AVEN: variants seen among roughly 807,000 people sequenced by gnomAD.
AVEN encodes the protein apoptosis and caspase activation inhibitor.
AVEN carries 41 observed loss-of-function variants against 38.1 expected under a neutral mutation model. That is an observed-to-expected ratio of 1.08 (90% CI 0.84 to 1.40). The LOEUF (loss-of-function observed/expected upper bound fraction) is 1.40. Among genes scored for constraint, AVEN ranks in the 40% most tolerant of loss-of-function variants. The pLI, the probability that AVEN is intolerant of heterozygous loss-of-function variation, is 0.00. For missense variants in AVEN, 605 were observed against 438.8 expected (o/e 1.38, Z -3.38); for synonymous variants, 206 against 171.8 (o/e 1.20, Z -1.56).
chr15:33,971,456 A>T (rs929079683), intron 2 of AVEN, among the ~76,000 whole-genome samples: 1 of 152,008 alleles, frequency 6.6e-6, no homozygotes, highest in African/African-American at 2.4e-5. Flanking sequence ...TTTTTATTTA[A>T]ACTATGATAA....
chr15:33,978,679 T>TAAATAA (rs1039420070), intron 2 of AVEN, among the ~76,000 whole-genome samples: 2 of 151,450 alleles, frequency 1.3e-5, no homozygotes, highest in African/African-American at 2.4e-5. Context: ...AATAAATAAA[T>TAAATAA]AAATAAAAAT....
At chr15:33,868,201 T>C (rs2153033698) in intron 4 of AVEN, among the ~76,000 whole-genome samples, 1 of 152,282 alleles carries the variant, frequency 6.6e-6, no homozygotes, top group African/African-American at 2.4e-5. Flanking sequence ...CACTTAAATC[T>C]GTATTAAGAC....
chr15:33,981,144 A>T (rs13379557), intron 2 of AVEN, among the ~76,000 whole-genome samples: 17,795 of 152,212 alleles, frequency 0.12, 1,879 homozygotes, highest in African/African-American at 0.27. Context: ...GAGAGAAAAT[A>T]TCTGAATTAA....
At chr15:34,025,045 C>T (rs1228445751) in intron 1 of AVEN, among the ~76,000 whole-genome samples, 2 of 151,742 alleles carry the variant, frequency 1.3e-5, no homozygotes. Context: ...GTGGTAGGAG[C>T]CTGTAATCCA....
intron 5 of AVEN, among the ~76,000 whole-genome samples, chr15:34,061,126 G>A (rs750301105): frequency 4.6e-5 from 7 of 151,986 alleles, no homozygotes; most frequent in Non-Finnish European, 1.0e-4. Flanking sequence ...TCTCTAGAAG[G>A]AAAAATAAAT....
chr15:33,884,646 C>G (rs996882752), intron 2 of AVEN, among the ~76,000 whole-genome samples: 1 of 151,676 alleles, frequency 6.6e-6, no homozygotes, highest in Non-Finnish European at 1.5e-5. Flanking sequence ...ATACAGCTGC[C>G]AATTTTAAGC....
chr15:33,938,903 G>T (rs933580895), intron 2 of AVEN, among the ~76,000 whole-genome samples: 1 of 151,804 alleles, frequency 6.6e-6, no homozygotes, highest in Non-Finnish European at 1.5e-5. Flanking sequence ...ATGCAATGGC[G>T]CCATCTCGGC....
intron 2 of AVEN, among the ~76,000 whole-genome samples, chr15:33,958,306 A>G (rs989146820): frequency 3.3e-5 from 5 of 152,186 alleles, no homozygotes; most frequent in Admixed American, 1.3e-4. Flanking sequence ...CTCGCCATGC[A>G]CTGTGGCTCA....
intron 2 of AVEN, among the ~76,000 whole-genome samples, chr15:33,964,773 T>G (rs1895324040): frequency 6.6e-6 from 1 of 152,136 alleles, no homozygotes; most frequent in African/African-American, 2.4e-5. Flanking sequence ...AAGAACACAT[T>G]CCCTATATAT....
At chr15:33,939,971 C>A (rs539892755) in intron 2 of AVEN, among the ~76,000 whole-genome samples, 37 of 152,310 alleles carry the variant, frequency 2.4e-4, no homozygotes, top group Middle Eastern at 3.4e-3. Flanking sequence ...TATTTACATT[C>A]CTTCTACTAG....
chr15:33,912,190 T>C (rs529046022), intron 2 of AVEN, among the ~76,000 whole-genome samples: 5 of 152,214 alleles, frequency 3.3e-5, no homozygotes, highest in Non-Finnish European at 7.3e-5. Context: ...ATCTACTTCA[T>C]AGAACTGTTA....
downstream of AVEN, among the ~76,000 whole-genome samples, chr15:33,857,592 T>C (rs1271732200): frequency 6.6e-6 from 1 of 152,170 alleles, no homozygotes; most frequent in Non-Finnish European, 1.5e-5. Flanking sequence ...CGCTTCTCTT[T>C]ACCTGTGGTG....
chr15:34,019,528 C>T (rs1051024188), intron 1 of AVEN, among the ~76,000 whole-genome samples: 1 of 152,212 alleles, frequency 6.6e-6, no homozygotes, highest in Non-Finnish European at 1.5e-5. Flanking sequence ...TTCCTATTCA[C>T]TCACCACTCA....
At chr15:33,893,249 A>G (rs939387995) in intron 2 of AVEN, among the ~76,000 whole-genome samples, 9 of 152,192 alleles carry the variant, frequency 5.9e-5, no homozygotes, top group Non-Finnish European at 1.2e-4. Context: ...AGAACTTCCA[A>G]CACTATGTTG....
At chr15:33,864,904 G>C, downstream of AVEN, 4 of 497,158 alleles carry the variant, frequency 8.0e-6, no homozygotes, top group Non-Finnish European at 1.4e-5. Flanking sequence ...GCTTGTTTGG[G>C]GCAGAGGGGG....
At chr15:33,915,908 C>G (rs1483079114) in intron 2 of AVEN, among the ~76,000 whole-genome samples, 1 of 152,088 alleles carries the variant, frequency 6.6e-6, no homozygotes, top group African/African-American at 2.4e-5. Context: ...CTTGCTTTAC[C>G]CCACCTTCCT....
intron 2 of AVEN, chr15:33,972,648 G>T (rs1895692086): frequency 6.6e-6 from 1 of 152,152 alleles, no homozygotes; most frequent in African/African-American, 2.4e-5. Context: ...CAGGAGTTAG[G>T]GTTCAATTAA....
chr15:33,861,455 C>T (rs565680172), downstream of AVEN, among the ~76,000 whole-genome samples: 2 of 151,356 alleles, frequency 1.3e-5, 1 homozygote, highest in South Asian at 4.2e-4. Flanking sequence ...CTCTACTGGA[C>T]TTCTTCTATC....
chr15:33,975,102 T>A (rs773734292), intron 2 of AVEN, among the ~76,000 whole-genome samples: 3 of 152,238 alleles, frequency 2.0e-5, no homozygotes, highest in Non-Finnish European at 4.4e-5. Flanking sequence ...TCTGCCCTGG[T>A]TGGGTTGAGA....
Sources: gnomAD v4.1 joint callset for allele counts (sites outside exome capture counted in the v4.1 genomes callset) on GRCh38, gnomAD v4.1.1 for gene constraint, MANE v1.5 for transcripts, NCBI Gene and HGNC (gene_info 2026-07-23, HGNC 2026-07-21) for gene names.